Variants in FAM184A observed in about 807,000 individuals in gnomAD.
FAM184A encodes the protein protein FAM184A.
FAM184A carries 99 observed loss-of-function variants against 143.8 expected under a neutral mutation model. That is an observed-to-expected ratio of 0.69 (90% CI 0.58 to 0.81). FAM184A has a LOEUF of 0.81. FAM184A is among the 40% of genes least tolerant of loss of function. The pLI is 0.00. For missense variants in FAM184A, 1,217 were observed against 1,310.5 expected, an observed-to-expected ratio of 0.93 and a Z score of 1.10; for synonymous variants, 427 against 446.4, an observed-to-expected ratio of 0.96 and a Z score of 0.55.
At chr6:119,027,594 T>C (rs529527209) in intron 1 of FAM184A, among the ~76,000 whole-genome samples, 1 of 152,292 alleles carries the variant, frequency 6.6e-6, no homozygotes, top group East Asian at 1.9e-4. Context: ...TCCAGGCATC[T>C]AGCTAGCCCC....
In FAM184A at chr6:118,975,912, C is replaced by T; in HGVS notation, c.2583+5G>A. 1 of 1,610,874 alleles carries T rather than the reference C, an allele frequency of 6.2e-7. No individual in the cohort carries two copies. The highest frequency in any genetic ancestry group is 8.5e-7 in the Non-Finnish European group (1 of 1,179,078). On this transcript the variant is annotated splice_donor_5th_base_variant and intron_variant, in intron 12 of 17. Transcript: ENST00000338891. ...ATCATCAGAGTACAGAATACTCTTACTTACCTGTCTTCTGCTGATGTCTAT... is the reference window on the plus strand; with the variant it reads ...ATCATCAGAGTACAGAATACTCTTATTTACCTGTCTTCTGCTGATGTCTAT...
At chr6:119,124,662 C>A (rs937881913) in intron 1 of FAM184A, among the ~76,000 whole-genome samples, 1 of 151,974 alleles carries the variant, frequency 6.6e-6, no homozygotes, top group Non-Finnish European at 1.5e-5. Context: ...TAGTAGAGGT[C>A]TTTTTTTCCA....
rs1423227891 is a variant in FAM184A, at chr6:119,046,361, A to G, written c.160-21548T>C. On this transcript the variant is annotated intron_variant, in intron 1 of 17. Transcript: ENST00000338891. ...GACTCAGCCTCCCAAGTAGCTGACA[A>G]GTACAGACAAGCGCAACCACACCCA... Among the ~76,000 whole-genome samples the G allele has an allele frequency of 2.6e-5, 4 of 151,836 alleles. No homozygotes were observed. In the East Asian group the frequency reaches 7.8e-4, roughly 29 times the overall value.
At chr6:118,982,661 C>T (rs575594400) in intron 9 of FAM184A, among the ~76,000 whole-genome samples, 1 of 152,296 alleles carries the variant, frequency 6.6e-6, no homozygotes, top group South Asian at 2.1e-4. Context: ...TAGTAGGAAA[C>T]CAATCAGCTC....
intron 1 of FAM184A, among the ~76,000 whole-genome samples, chr6:119,070,096 T>G (rs1459354361): frequency 6.6e-6 from 1 of 152,160 alleles, no homozygotes; most frequent in Non-Finnish European, 1.5e-5. Flanking sequence ...ATATGATTGT[T>G]AATCACTAAG....
chr6:118,996,996 T>C (rs1048330265), intron 9 of FAM184A, among the ~76,000 whole-genome samples: 1 of 89,022 alleles, frequency 1.1e-5, no homozygotes, highest in African/African-American at 3.8e-5. Context: ...CATGCTGGGA[T>C]TACAGGCGTG....
intron 16 of FAM184A, chr6:118,962,934 A>G (rs903388610): frequency 6.6e-5 from 10 of 152,042 alleles, no homozygotes; most frequent in African/African-American, 2.4e-4. Flanking sequence ...CGAGTTTGGG[A>G]AAAAATGCAA....
chr6:119,145,833 A>G (rs755813032), intron 1 of FAM184A, among the ~76,000 whole-genome samples: 2 of 152,244 alleles, frequency 1.3e-5, no homozygotes, highest in Non-Finnish European at 2.9e-5. Context: ...ATCTTTAGGT[A>G]TCATCTCACT....
At chr6:119,103,383 C>A (rs1417217722) in intron 1 of FAM184A, among the ~76,000 whole-genome samples, 1 of 152,166 alleles carries the variant, frequency 6.6e-6, no homozygotes, top group Non-Finnish European at 1.5e-5. Context: ...ATTATTTAAG[C>A]CAATCTGGCT....
At chr6:119,045,477 T>C (rs1786492795) in intron 1 of FAM184A, among the ~76,000 whole-genome samples, 1 of 152,066 alleles carries the variant, frequency 6.6e-6, no homozygotes, top group African/African-American at 2.4e-5. Context: ...GAAAAATGCA[T>C]TTTGGCATTA....
intron 9 of FAM184A, among the ~76,000 whole-genome samples, chr6:118,994,182 AG>A (rs1784468856): frequency 6.6e-6 from 1 of 152,236 alleles, no homozygotes; most frequent in South Asian, 2.1e-4. Flanking sequence ...TGTAAGCTCC[AG>A]GAAGGCAAAG....
At chr6:119,086,452 A>G (rs1339417972) in intron 1 of FAM184A, among the ~76,000 whole-genome samples, 3 of 152,236 alleles carry the variant, frequency 2.0e-5, no homozygotes, top group Non-Finnish European at 2.9e-5. Context: ...ACATACAAAC[A>G]TAGTGCTTGA....
intron 1 of FAM184A, among the ~76,000 whole-genome samples, chr6:119,104,593 A>G (rs1348813828): frequency 6.6e-6 from 1 of 152,226 alleles, no homozygotes; most frequent in Non-Finnish European, 1.5e-5. Context: ...TATGATCTTA[A>G]GTGTGTAAAG....
intron 9 of FAM184A, among the ~76,000 whole-genome samples, chr6:118,999,160 G>C (rs1292715346): frequency 2.0e-5 from 3 of 152,190 alleles, no homozygotes; most frequent in African/African-American, 7.2e-5. Flanking sequence ...ACAGTGAACG[G>C]ACGCTAGTTC....
chr6:118,986,874 A>T (rs1220495016), intron 9 of FAM184A, among the ~76,000 whole-genome samples: 2 of 152,342 alleles, frequency 1.3e-5, no homozygotes, highest in East Asian at 3.9e-4. Context: ...GCTCTATGTC[A>T]CTGCTAAAAA....
At chr6:119,039,017 A>G (rs1285428297) in intron 1 of FAM184A, among the ~76,000 whole-genome samples, 2 of 152,250 alleles carry the variant, frequency 1.3e-5, no homozygotes, top group African/African-American at 4.8e-5. Context: ...TAAATACCTC[A>G]CCAAAAAAGA....
At chr6:119,032,894 G>A (rs1785945542) in intron 1 of FAM184A, among the ~76,000 whole-genome samples, 1 of 152,076 alleles carries the variant, frequency 6.6e-6, no homozygotes, top group South Asian at 2.1e-4. Flanking sequence ...TGAGCCATAA[G>A]ACATCAGAGT....
chr6:119,014,374 A>T (rs1785175416), intron 5 of FAM184A, among the ~76,000 whole-genome samples: 1 of 152,256 alleles, frequency 6.6e-6, no homozygotes, highest in South Asian at 2.1e-4. Context: ...TACAGTTAAT[A>T]GGCAAAGAGC....
intron 1 of FAM184A, among the ~76,000 whole-genome samples, chr6:119,060,667 G>A (rs973383433): frequency 1.3e-5 from 2 of 152,150 alleles, no homozygotes; most frequent in African/African-American, 4.8e-5. Flanking sequence ...GGCCTGGTGG[G>A]AGGTGACTGG....
Sources: gnomAD v4.1 joint callset for allele counts (sites outside exome capture counted in the v4.1 genomes callset) on GRCh38, gnomAD v4.1.1 for gene constraint, MANE v1.5 for transcripts, NCBI Gene and HGNC (gene_info 2026-07-23, HGNC 2026-07-21) for gene names.